The following ATP13A4 variants were observed in gnomAD, a reference collection of about 807,000 sequenced individuals.
ATP13A4 encodes probable cation-transporting ATPase 13A4.
In ATP13A4, 114 loss-of-function variants were observed where a neutral mutation model predicts 142.5. The ratio of observed to expected loss-of-function variants is 0.80; its 90% CI spans 0.69 to 0.93. ATP13A4 has a LOEUF of 0.93. ATP13A4 is among the 40% of genes least tolerant of loss of function. The pLI, the probability that ATP13A4 is intolerant of heterozygous loss-of-function variation, is 0.00. For synonymous variants in ATP13A4, 488 were observed against 514.8 expected (o/e 0.95, Z 0.70); for missense variants, 1,392 against 1,454.0 (o/e 0.96, Z 0.69).
chr3:193,530,677 T>C (rs989076515), intron 1 of ATP13A4, among the ~76,000 whole-genome samples: 3 of 152,146 alleles, frequency 2.0e-5, no homozygotes, highest in African/African-American at 7.2e-5. Context: ...GTGATCTTCC[T>C]AAAACAAACA....
intron 9 of ATP13A4, 49 bp downstream of exon 9, chr3:193,470,810 A>G (rs751914238): frequency 6.2e-7 from 1 of 1,611,890 alleles, no homozygotes; most frequent in Admixed American, 1.7e-5. Context: ...AGCAGCGTGG[A>G]GTGTGGGCCA....
chr3:193,411,160 A>G (rs1008088887), intron 27 of ATP13A4, 90 bp from the exon 28 acceptor site: 1 of 887,252 alleles, frequency 1.1e-6, no homozygotes, highest in African/African-American at 1.6e-5. Context: ...ATTAACACTG[A>G]TTTAATTTAC....
At chr3:193,582,550 T>TATATATATTAC in intron 1 of ATP13A4, among the ~76,000 whole-genome samples, 1 of 137,390 alleles carries the variant, frequency 7.3e-6, no homozygotes, top group Non-Finnish European at 1.5e-5. Flanking sequence ...ACATATATTA[T>TATATATATTAC]ATGTATTATA....
chr3:193,506,492 G>A (rs1720866636), intron 2 of ATP13A4, among the ~76,000 whole-genome samples: 1 of 152,190 alleles, frequency 6.6e-6, no homozygotes, highest in Admixed American at 6.5e-5. Flanking sequence ...AACAGAGGGA[G>A]AAACCTGGAC....
Position 193,441,558 on chromosome 3 carries a change from A to C in ATP13A4, c.2347T>G (p.Ser783Ala). 6.2e-7 allele frequency: 1 copy of C among 1,613,200 alleles called. No homozygotes were observed. The highest frequency in any genetic ancestry group is 1.1e-5 in the South Asian group (1 of 91,060). The change falls in exon 20 of 30, where the codon TCT becomes GCT. Residue 783 changes from serine (S) to alanine (A), a missense_variant. Ser to Ala is a moderately conservative substitution (Grantham distance 99, BLOSUM62 1). Coordinates refer to ENST00000342695, the MANE Select transcript of ATP13A4 (RefSeq NM_032279.4). ...DNYINIRDEV[S>A]DKGREGSYHF... The stretch of plus-strand genomic sequence containing the variant: ...TAACTTCCTTCTCTGCCTTTATCAG[A>C]GACTTCATCCCTGATGTTAATGTAA...
At chr3:193,500,545 C>A (rs1430901248) in intron 3 of ATP13A4, among the ~76,000 whole-genome samples, 1 of 152,142 alleles carries the variant, frequency 6.6e-6, no homozygotes, top group African/African-American at 2.4e-5. Flanking sequence ...TCATAAGGAG[C>A]ACCGTAACCT....
intron 3 of ATP13A4, 98 bp downstream of exon 3, chr3:193,502,395 T>C (rs1433895617): frequency 2.2e-6 from 3 of 1,387,336 alleles, no homozygotes; most frequent in Non-Finnish European, 3.1e-6. Flanking sequence ...CACTATCAAA[T>C]GAGGATTGGC....
At chr3:193,535,001 T>A (rs1376589071) in intron 1 of ATP13A4, among the ~76,000 whole-genome samples, 2 of 151,746 alleles carry the variant, frequency 1.3e-5, no homozygotes. Context: ...CCTACCTATA[T>A]GGAGAAAAAC....
chr3:193,570,223 G>T (rs1050440231), intron 2 of ATP13A4, among the ~76,000 whole-genome samples: 9 of 152,196 alleles, frequency 5.9e-5, no homozygotes, highest in African/African-American at 2.2e-4. Flanking sequence ...TGAGCTGGGA[G>T]GATTGCTTGA....
intron 2 of ATP13A4, among the ~76,000 whole-genome samples, chr3:193,507,805 C>A (rs1234888232): frequency 2.0e-5 from 3 of 152,060 alleles, no homozygotes; most frequent in Non-Finnish European, 4.4e-5. Context: ...TATTTCAGAA[C>A]TTTACACATA....
chr3:193,493,712 T>C (rs113379044), intron 3 of ATP13A4, among the ~76,000 whole-genome samples: 1 of 152,032 alleles, frequency 6.6e-6, no homozygotes, highest in Non-Finnish European at 1.5e-5. Context: ...GTTTGTAGAA[T>C]GAAGAATGAA....
intron 8 of ATP13A4, among the ~76,000 whole-genome samples, chr3:193,474,343 A>C (rs1718807454): frequency 6.7e-6 from 1 of 148,516 alleles, no homozygotes; most frequent in African/African-American, 2.5e-5. Flanking sequence ...AAAAAAAAAA[A>C]AAAACAAACA....
intron 7 of ATP13A4, among the ~76,000 whole-genome samples, chr3:193,485,919 T>C (rs1272839305): frequency 3.3e-4 from 36 of 109,110 alleles, no homozygotes; most frequent in African/African-American, 1.4e-3. Context: ...CTGTTGCTTA[T>C]AAGCCAAAAA....
intron 2 of ATP13A4, among the ~76,000 whole-genome samples, chr3:193,504,461 T>C (rs1463618916): frequency 6.6e-6 from 1 of 152,188 alleles, no homozygotes; most frequent in Non-Finnish European, 1.5e-5. Context: ...TAATGCTACA[T>C]ATGTATTATT....
chr3:193,462,754 G>A lies in ATP13A4; in HGVS notation c.1523+8C>T, dbSNP rs750442055. 6.2e-7 allele frequency: 1 copy of A among 1,612,094 alleles called. No homozygotes were observed. Among genetic ancestry groups the A allele is most frequent in the East Asian group, 2.2e-5 (1 of 44,864 alleles). On this transcript the variant is annotated splice_region_variant and intron_variant, in intron 13 of 29. Coordinates refer to ENST00000342695, the MANE Select transcript of ATP13A4 (RefSeq NM_032279.4). Reference sequence around the variant, plus strand: ...AATGCATTTAGTCCAAGAGTCCAAGGTACTCACCCATTCCTATCACAGGAC... The same window carrying A: ...AATGCATTTAGTCCAAGAGTCCAAGATACTCACCCATTCCTATCACAGGAC...
At chr3:193,458,478 G>A (rs1717768326) in intron 14 of ATP13A4, 2 of 157,978 alleles carry the variant, frequency 1.3e-5, no homozygotes, top group Admixed American at 1.2e-4. Flanking sequence ...AGCTTAATGG[G>A]ATTCAGCAGT....
intron 2 of ATP13A4, among the ~76,000 whole-genome samples, chr3:193,506,617 T>A (rs34282623): frequency 0.12 from 18,297 of 152,162 alleles, 1,358 homozygotes; most frequent in Non-Finnish European, 0.16. Flanking sequence ...CCCATCCAAA[T>A]CTCCTCTTGA....
At chr3:193,495,976 CA>C in intron 3 of ATP13A4, among the ~76,000 whole-genome samples, 1 of 151,854 alleles carries the variant, frequency 6.6e-6, no homozygotes, top group Non-Finnish European at 1.5e-5. Context: ...GCAATGGCTA[CA>C]AAAAAATAAT....
At chr3:193,507,697 C>T (rs976350008) in intron 2 of ATP13A4, among the ~76,000 whole-genome samples, 2 of 152,100 alleles carry the variant, frequency 1.3e-5, no homozygotes, top group Admixed American at 6.6e-5. Context: ...GGAAATGGAG[C>T]AGTGGATTAG....
Sources: allele counts gnomAD v4.1 joint callset (sites outside exome capture counted in the v4.1 genomes callset), GRCh38; gene constraint gnomAD v4.1.1; transcripts MANE v1.5; gene names NCBI Gene and HGNC (gene_info 2026-07-23, HGNC 2026-07-21).